The following PDE8A variants were observed in gnomAD, a reference collection of about 807,000 sequenced individuals.
The protein encoded by PDE8A is high affinity cAMP-specific and IBMX-insensitive 3',5'-cyclic phosphodiesterase 8A.
PDE8A carries 59 observed loss-of-function variants against 105.0 expected under a neutral mutation model. The observed-to-expected ratio is 0.56, with a 90% CI of 0.46 to 0.70. PDE8A has a LOEUF of 0.70. Ranked by LOEUF, PDE8A falls within the 30% of genes least tolerant of loss-of-function variation. The pLI, the probability that PDE8A is intolerant of heterozygous loss-of-function variation, is 0.00. For missense variants in PDE8A, 1,014 were observed against 1,045.9 expected (o/e 0.97, Z 0.42); for synonymous variants, 355 against 371.9 (o/e 0.95, Z 0.52).
At chr15:84,988,309 T>G (rs2079835496) in intron 1 of PDE8A, among the ~76,000 whole-genome samples, 1 of 152,240 alleles carries the variant, frequency 6.6e-6, no homozygotes, top group African/African-American at 2.4e-5. Context: ...GCTACAGATT[T>G]CACAGGACAA....
chr15:85,052,304 G>A (rs878881096), intron 1 of PDE8A, among the ~76,000 whole-genome samples: 5 of 152,338 alleles, frequency 3.3e-5, no homozygotes, highest in African/African-American at 1.2e-4. Flanking sequence ...TGTCTTTATA[G>A]CAGCATGATT....
At chr15:85,124,841 C>T (rs1452929012) in intron 19 of PDE8A, among the ~76,000 whole-genome samples, 2 of 152,288 alleles carry the variant, frequency 1.3e-5, no homozygotes, top group South Asian at 4.1e-4. Flanking sequence ...ATACACCCAG[C>T]AGACTTGGTT....
chr15:85,026,370 C>G (rs2080517138), intron 1 of PDE8A, among the ~76,000 whole-genome samples: 1 of 152,048 alleles, frequency 6.6e-6, no homozygotes, highest in South Asian at 2.1e-4. Flanking sequence ...GGACCAATGA[C>G]CAGAACACCT....
intron 8 of PDE8A, among the ~76,000 whole-genome samples, chr15:85,094,931 G>C (rs1434505351): frequency 6.6e-6 from 1 of 152,120 alleles, no homozygotes; most frequent in Non-Finnish European, 1.5e-5. Flanking sequence ...TCCTCAGCTT[G>C]GCTGCCAGGA....
At chr15:85,114,137 C>A in intron 14 of PDE8A, 100 bp downstream of exon 14, 1 of 1,033,200 alleles carries the variant, frequency 9.7e-7, no homozygotes, top group Non-Finnish European at 1.5e-6. Flanking sequence ...GCAGGCAGGG[C>A]TCTGTAGGGT....
intron 3 of PDE8A, 121 bp downstream of exon 3, chr15:85,067,325 C>T (rs1358239518): frequency 1.6e-6 from 1 of 631,000 alleles, no homozygotes; most frequent in Non-Finnish European, 2.7e-6. Context: ...GTGAAATAAA[C>T]AAAATATTAG....
chr15:85,100,070 C>G lies in PDE8A; in HGVS notation c.993+4C>G. Reference sequence around the variant, plus strand: ...AGTGTGCAATGGCAACAATAAGGTACGTAAGGAGAGCCCCCCGGGGCCCCA... The same window carrying G: ...AGTGTGCAATGGCAACAATAAGGTAGGTAAGGAGAGCCCCCCGGGGCCCCA... On this transcript the variant is annotated splice_donor_region_variant and intron_variant, in intron 10 of 21. Transcript: ENST00000394553. 1 of 1,613,492 alleles carries G rather than the reference C, an allele frequency of 6.2e-7. No individual in the cohort carries two copies. The highest frequency in any genetic ancestry group is 1.1e-5 in the South Asian group (1 of 91,002).
chr15:85,071,287 C>T (rs1449198391), intron 3 of PDE8A, among the ~76,000 whole-genome samples: 1 of 152,220 alleles, frequency 6.6e-6, no homozygotes, highest in Non-Finnish European at 1.5e-5. Context: ...TTGCTCTAAC[C>T]AGAGAAACAG....
Position 85,104,040 on chromosome 15 carries a change from T to C in PDE8A, c.1036+3842T>C, listed in dbSNP as rs145105977. The stretch of plus-strand genomic sequence containing the variant: ...ATCCAAAAGAGTAATAAAATCCCAA[T>C]ACATGCTCCCTTTTCCCTGGCCCAT... On this transcript the variant is annotated intron_variant, in intron 11 of 21. Transcript: ENST00000394553. 2.2e-3 allele frequency among the ~76,000 whole-genome samples: 337 copies of C among 152,298 alleles called. 14 individuals are homozygous for C. In the East Asian group the frequency reaches 0.057, roughly 26 times the overall value.
intron 12 of PDE8A, among the ~76,000 whole-genome samples, chr15:85,110,598 C>T (rs912873855): frequency 1.3e-5 from 2 of 152,184 alleles, no homozygotes; most frequent in Non-Finnish European, 2.9e-5. Context: ...TTTCGAGGTT[C>T]TTCCATGTTG....
intron 3 of PDE8A, among the ~76,000 whole-genome samples, chr15:85,068,686 G>A (rs1200957130): frequency 6.6e-6 from 1 of 152,162 alleles, no homozygotes; most frequent in East Asian, 1.9e-4. Flanking sequence ...TGGGCCAAAT[G>A]GCTGCCGAGA....
chr15:85,089,715 C>CT (rs2081610567), intron 7 of PDE8A, among the ~76,000 whole-genome samples: 1 of 152,118 alleles, frequency 6.6e-6, no homozygotes, highest in Non-Finnish European at 1.5e-5. Context: ...AGGATGATTG[C>CT]TGGGGGCTTG....
At chr15:85,080,772 C>G (rs1338499000) in intron 5 of PDE8A, among the ~76,000 whole-genome samples, 1 of 152,212 alleles carries the variant, frequency 6.6e-6, no homozygotes, top group Non-Finnish European at 1.5e-5. Flanking sequence ...GACACACACA[C>G]TCTTGCTGCC....
chr15:85,094,683 T>C (rs55699332), intron 8 of PDE8A, among the ~76,000 whole-genome samples: 29,105 of 152,130 alleles, frequency 0.19, 3,274 homozygotes, highest in East Asian at 0.38. Flanking sequence ...TTCCTCCCCG[T>C]TGGTCCCCTC....
intron 1 of PDE8A, 74 bp downstream of exon 1, chr15:84,982,422 C>CGGGCGGG (rs1596403156): frequency 2.0e-6 from 2 of 1,010,664 alleles, no homozygotes; most frequent in Non-Finnish European, 1.3e-6. Flanking sequence ...CCGCAGGGGC[C>CGGGCGGG]GGGCGGGGTC....
intron 11 of PDE8A, among the ~76,000 whole-genome samples, chr15:85,105,910 G>C (rs2081941189): frequency 6.6e-6 from 1 of 152,176 alleles, no homozygotes; most frequent in South Asian, 2.1e-4. Context: ...CCTGAGGAGA[G>C]CTTCTGAGAG....
chr15:85,100,640 T>C (rs2081846643), intron 11 of PDE8A, among the ~76,000 whole-genome samples: 1 of 152,222 alleles, frequency 6.6e-6, no homozygotes, highest in South Asian at 2.1e-4. Context: ...TTGGACACCA[T>C]CTGTTCTTCC....
chr15:85,078,291 G>T (rs894375880), intron 5 of PDE8A, among the ~76,000 whole-genome samples: 2 of 151,870 alleles, frequency 1.3e-5, no homozygotes, highest in Non-Finnish European at 2.9e-5. Flanking sequence ...TGCAATAAAA[G>T]AAAATAACTT....
intron 1 of PDE8A, chr15:85,064,055 C>A (rs1321910842): frequency 8.0e-6 from 2 of 249,714 alleles, no homozygotes; most frequent in Non-Finnish European, 1.5e-5. Context: ...TCTCATTTGG[C>A]CTTTAACAAA....
Sources: allele counts gnomAD v4.1 joint callset (sites outside exome capture counted in the v4.1 genomes callset), GRCh38; gene constraint gnomAD v4.1.1; transcripts MANE v1.5; gene names NCBI Gene and HGNC (gene_info 2026-07-23, HGNC 2026-07-21).